ABLIM1: variants seen among roughly 807,000 people sequenced by gnomAD.
The protein encoded by ABLIM1 is actin-binding LIM protein 1.
A neutral mutation model predicts 107.0 loss-of-function variants in ABLIM1; 40 were observed. That is an observed-to-expected ratio of 0.37 (90% CI 0.29 to 0.49). ABLIM1 has a LOEUF of 0.49. ABLIM1 is among the 20% of genes least tolerant of loss of function. The pLI is 0.97. For missense variants in ABLIM1, 857 were observed against 1,008.5 expected (o/e 0.85, Z 2.04); for synonymous variants, 357 against 357.3 (o/e 1.00, Z 0.01).
At chr10:114,679,541 A>T (rs866456793) in intron 1 of ABLIM1, among the ~76,000 whole-genome samples, 19 of 151,044 alleles carry the variant, frequency 1.3e-4, no homozygotes, top group African/African-American at 4.6e-4. Flanking sequence ...AGGCTGAGGC[A>T]GGAGAATTGC....
At chr10:114,634,437 T>C (rs2078375668) in intron 1 of ABLIM1, among the ~76,000 whole-genome samples, 1 of 152,026 alleles carries the variant, frequency 6.6e-6, no homozygotes, top group Non-Finnish European at 1.5e-5. Flanking sequence ...CGGCCTCAAT[T>C]TTTCTTTTAC....
chr10:114,447,883 C>G lies in ABLIM1; in HGVS notation c.1732G>C (p.Val578Leu), dbSNP rs34118174. 6 of 1,614,030 alleles carry G rather than the reference C, an allele frequency of 3.7e-6. No homozygotes were observed. The South Asian group carries it at 6.6e-5, about 18-fold the overall frequency. Residue 578 changes from valine to leucine, a missense_variant, in exon 15 of 23, where the codon GTA becomes CTA. Around this residue, in one of 5 missense-constraint regions of ABLIM1, gnomAD observed 103 missense variants for 101.0 expected, o/e 1.02. Coordinates refer to ENST00000533213, the MANE Select transcript of ABLIM1 (RefSeq NM_002313.7). ...HWPGPPSFAVVGPDMKRRSSG... is the reference protein window; with the variant it reads ...HWPGPPSFAVLGPDMKRRSSG... ...CTTAGCCGTGACAGTTGCATACCTACGACAGCAAATGAGGGGGGACCAGGC... is the reference window on the plus strand; with the variant it reads ...CTTAGCCGTGACAGTTGCATACCTAGGACAGCAAATGAGGGGGGACCAGGC...
chr10:114,600,821 A>G (rs1260126331), intron 2 of ABLIM1, among the ~76,000 whole-genome samples: 1 of 152,106 alleles, frequency 6.6e-6, no homozygotes, highest in Non-Finnish European at 1.5e-5. Flanking sequence ...TAACCTATTT[A>G]TCAAACAAAC....
intron 1 of ABLIM1, among the ~76,000 whole-genome samples, chr10:114,602,595 T>C (rs143325620): frequency 9.8e-4 from 149 of 152,360 alleles, no homozygotes; most frequent in African/African-American, 3.4e-3. Context: ...CCTCCCATTA[T>C]GTGCATAGTG....
intron 6 of ABLIM1, among the ~76,000 whole-genome samples, chr10:114,502,574 G>A (rs2060573547): frequency 6.6e-6 from 1 of 151,904 alleles, no homozygotes; most frequent in African/African-American, 2.4e-5. Flanking sequence ...TTGGCTCACT[G>A]CAACCTCCTC....
intron 1 of ABLIM1, among the ~76,000 whole-genome samples, chr10:114,766,554 G>A (rs182443239): frequency 6.6e-6 from 1 of 152,168 alleles, no homozygotes; most frequent in African/African-American, 2.4e-5. Flanking sequence ...ATTGTGTGAC[G>A]GCCTAACAAA....
chr10:114,553,879 TC>T (rs2068391408), intron 4 of ABLIM1, among the ~76,000 whole-genome samples: 1 of 152,118 alleles, frequency 6.6e-6, no homozygotes, highest in African/African-American at 2.4e-5. Flanking sequence ...TACATGAATG[TC>T]CCATGGATGG....
At chr10:114,691,429 T>C (rs944385432) in intron 1 of ABLIM1, among the ~76,000 whole-genome samples, 3 of 152,224 alleles carry the variant, frequency 2.0e-5, no homozygotes, top group African/African-American at 7.2e-5. Context: ...TGATGGACTT[T>C]CTATGTCTCT....
intron 2 of ABLIM1, among the ~76,000 whole-genome samples, chr10:114,599,410 C>A (rs997515589): frequency 6.6e-6 from 1 of 152,118 alleles, no homozygotes; most frequent in Admixed American, 6.5e-5. Context: ...CTTCAAATAC[C>A]GTGATGTGTT....
intron 1 of ABLIM1, among the ~76,000 whole-genome samples, chr10:114,731,581 C>T (rs1490233148): frequency 6.6e-6 from 1 of 151,374 alleles, no homozygotes; most frequent in Non-Finnish European, 1.5e-5. Context: ...TCACTGCAAA[C>T]TCCACCTCCT....
At position 114,453,491 on chromosome 10, in the gene ABLIM1, G is replaced by A; in HGVS notation, c.1442-8C>T. On this transcript the variant is annotated splice_region_variant and splice_polypyrimidine_tract_variant and intron_variant, in intron 12 of 22. Coordinates refer to ENST00000533213, the MANE Select transcript of ABLIM1 (RefSeq NM_002313.7). ...CGCTGGACGGCTCATTGCCTCCAAT[G>A]AGAAGAATGGAAAAAACAAAATGAG... 10 of 1,527,600 alleles carry A rather than the reference G, an allele frequency of 6.5e-6. No homozygotes were observed. The highest frequency in any genetic ancestry group is 8.8e-6 in the Non-Finnish European group (10 of 1,133,904). 94.6% of individuals were successfully genotyped at this position (1,527,600 alleles called of 1,614,324 possible).
At chr10:114,471,308 C>T (rs544158226) in intron 10 of ABLIM1, among the ~76,000 whole-genome samples, 1 of 152,292 alleles carries the variant, frequency 6.6e-6, no homozygotes, top group Admixed American at 6.5e-5. Flanking sequence ...GTACACTGCA[C>T]ACCATGAACC....
At chr10:114,680,429 T>C (rs536395660) in intron 1 of ABLIM1, among the ~76,000 whole-genome samples, 1 of 152,346 alleles carries the variant, frequency 6.6e-6, no homozygotes, top group East Asian at 1.9e-4. Flanking sequence ...CATGCTTTCC[T>C]TCTACAAGTC....
At chr10:114,633,653 T>C (rs896679461) in intron 1 of ABLIM1, among the ~76,000 whole-genome samples, 3 of 152,156 alleles carry the variant, frequency 2.0e-5, no homozygotes, top group South Asian at 2.1e-4. Flanking sequence ...TTCATAAATA[T>C]GAGCCAAGCA....
intron 4 of ABLIM1, among the ~76,000 whole-genome samples, chr10:114,568,409 T>G (rs1479128524): frequency 6.6e-6 from 1 of 152,140 alleles, no homozygotes; most frequent in African/African-American, 2.4e-5. Context: ...CATTAAAAAT[T>G]TTTAAAAAGT....
intron 4 of ABLIM1, among the ~76,000 whole-genome samples, chr10:114,563,801 G>T: frequency 7.1e-6 from 1 of 141,370 alleles, no homozygotes; most frequent in East Asian, 2.0e-4. Context: ...AGCCAAGATT[G>T]CACCACTGTA....
chr10:114,621,057 T>C (rs1266984105), intron 1 of ABLIM1, among the ~76,000 whole-genome samples: 1 of 152,212 alleles, frequency 6.6e-6, no homozygotes, highest in Non-Finnish European at 1.5e-5. Context: ...GCCAAAATGC[T>C]AAACTGAGCT....
At chr10:114,633,584 T>C (rs538799427) in intron 1 of ABLIM1, among the ~76,000 whole-genome samples, 2 of 152,278 alleles carry the variant, frequency 1.3e-5, no homozygotes, top group South Asian at 4.1e-4. Context: ...TTTTCCTAAG[T>C]CAGCAGCCAG....
chr10:114,482,562 G>A (rs570762754), intron 8 of ABLIM1, among the ~76,000 whole-genome samples: 15 of 152,304 alleles, frequency 9.8e-5, no homozygotes, highest in Admixed American at 7.2e-4. Context: ...AATCTTAAAG[G>A]TACTGGTGAG....
Sources: gnomAD v4.1 joint callset for allele counts (sites outside exome capture counted in the v4.1 genomes callset) on GRCh38, gnomAD v4.1.1 for gene constraint, gnomAD v4.1.1 regional missense constraint, MANE v1.5 for transcripts, NCBI Gene and HGNC (gene_info 2026-07-23, HGNC 2026-07-21) for gene names.